BIRC6: variants seen among roughly 807,000 people sequenced by gnomAD.
The protein encoded by BIRC6 is baculoviral IAP repeat containing 6.
Under a neutral mutation model 503.3 loss-of-function variants are expected in BIRC6, and 98 were observed. The observed-to-expected ratio is 0.19, with a 90% CI of 0.17 to 0.23. The LOEUF (loss-of-function observed/expected upper bound fraction) is 0.23, where lower values mean the gene tolerates loss of function less well. Among genes scored for constraint, BIRC6 ranks in the 10% least tolerant of loss-of-function variants. The pLI, the probability that BIRC6 is intolerant of heterozygous loss-of-function variation, is 1.00. For synonymous variants in BIRC6, 2,240 were observed against 2,078.7 expected (o/e 1.08, Z -2.11); for missense variants, 5,360 against 5,806.0 (o/e 0.92, Z 2.50).
intron 73 of BIRC6, 84 bp downstream of exon 73, chr2:32,611,666 G>T: frequency 8.0e-7 from 1 of 1,257,294 alleles, no homozygotes. Flanking sequence ...GAAGATAATG[G>T]GAGGGAGGGA....
Position 32,439,537 on chromosome 2 carries a change from T to C in BIRC6, c.3661T>C (p.Leu1221=). The change falls in exon 16 of 74, where the codon TTA becomes CTA. Residue 1221 remains leucine (L), a synonymous_variant. Transcript: ENST00000421745. ...GMAGGKYRSF[L]IHVKAVNERG... ...GGCAGGAGGAAAATATCGTTCGTTT[T>C]TAATCCATGTCAAGGCAGTGAATGA... 2 of 1,613,810 alleles carry C rather than the reference T, an allele frequency of 1.2e-6. No individual in the cohort carries two copies. Among genetic ancestry groups the C allele is most frequent in the Non-Finnish European group, 1.7e-6 (2 of 1,179,804 alleles).
Position 32,429,278 on chromosome 2 carries a change from C to A in BIRC6, c.3005C>A (p.Ser1002Ter). The A allele has an allele frequency of 6.6e-7, 1 of 1,510,118 alleles. No individual in the cohort carries two copies. The highest frequency in any genetic ancestry group is 1.4e-5 in the African/African-American group (1 of 70,640). The allele number at this position is 1,510,118 out of a possible 1,614,324, so 93.5% of individuals were successfully genotyped here. A position where few individuals can be genotyped will look rare whatever the true frequency, so the allele number is the denominator to read the frequency against. Residue 1002 changes from serine to a stop codon, truncating the protein, a stop_gained, in exon 11 of 74, where the codon TCA becomes TAA. Transcript: ENST00000421745. LOFTEE classifies it high-confidence loss of function. ...SEGSKPLSNP[S>*]SPGISGVDLL... Reference sequence around the variant, plus strand: ...GGTTCCAAACCTTTATCAAATCCTTCAAGTCCTGGCATTTCAGGTATGATA... The same window carrying A: ...GGTTCCAAACCTTTATCAAATCCTTAAAGTCCTGGCATTTCAGGTATGATA...
intron 20 of BIRC6, 113 bp from the exon 21 acceptor site, chr2:32,445,408 G>GCCTATA: frequency 3.8e-6 from 4 of 1,065,980 alleles, no homozygotes; most frequent in Non-Finnish European, 3.9e-6. Context: ...TTCCAGAAAA[G>GCCTATA]GGAGTATCTT....
rs1434424476 is a variant in BIRC6 at position 32,489,934 on chromosome 2, G to T, written c.8096-107G>T. The T allele has an allele frequency of 5.6e-5, 41 of 729,190 alleles. 1 individual carries two copies. Among genetic ancestry groups the T allele is most frequent in the Non-Finnish European group, 7.1e-6 (3 of 420,164 alleles). The allele number at this position is 729,190 out of a possible 1,614,324, so 45.2% of individuals were successfully genotyped here. A position where few individuals can be genotyped will look rare whatever the true frequency, so the allele number is the denominator to read the frequency against. On this transcript the variant is annotated intron_variant, in intron 42 of 73. Transcript: ENST00000421745. ...ATGTTTTGAAGACACTGGTTAAGGA[G>T]CGGATTTAAAGAAATAGTGTCTTGT...
intron 27 of BIRC6, 29 bp from the exon 28 acceptor site, chr2:32,467,874 A>G (rs2148946053): frequency 6.5e-7 from 1 of 1,545,982 alleles, no homozygotes; most frequent in Non-Finnish European, 8.8e-7. Context: ...AGATGTGTAT[A>G]TATGTATATT....
chr2:32,421,219 G>T (rs2042926966), intron 10 of BIRC6, among the ~76,000 whole-genome samples: 1 of 150,158 alleles, frequency 6.7e-6, no homozygotes, highest in African/African-American at 2.5e-5. Context: ...TGATTCTCCT[G>T]CCTCAGCCTC....
At chr2:32,612,524 G>T (rs2062948746) in intron 73 of BIRC6, among the ~76,000 whole-genome samples, 1 of 152,036 alleles carries the variant, frequency 6.6e-6, no homozygotes, top group Admixed American at 6.6e-5. Flanking sequence ...CTTTAAAGCT[G>T]TCTTCACTTC....
chr2:32,406,658 T>C (rs2041252723), intron 9 of BIRC6, 101 bp downstream of exon 9: 1 of 790,662 alleles, frequency 1.3e-6, no homozygotes, highest in Non-Finnish European at 2.0e-6. Context: ...TAATGCTAAC[T>C]CTAAATTTTT....
chr2:32,453,814 G>C lies in BIRC6; in HGVS notation c.4625G>C (p.Gly1542Ala). 1 of 1,612,198 alleles carries C rather than the reference G, an allele frequency of 6.2e-7. No individual in the cohort carries two copies. ...ACTTGTCTTTTGCCATTAGGAAATGGAAAGGTCAGTAGTTGCACAGCTGCT... is the reference window on the plus strand; with the variant it reads ...ACTTGTCTTTTGCCATTAGGAAATGCAAAGGTCAGTAGTTGCACAGCTGCT... ...IDLSDVLSGNGKVSSCTAAEG... is the reference protein window; with the variant it reads ...IDLSDVLSGNAKVSSCTAAEG... The change falls in exon 23 of 74, where the codon GGA becomes GCA. Residue 1542 changes from glycine (G) to alanine (A), a missense_variant. Coordinates refer to ENST00000421745, the MANE Select transcript of BIRC6 (RefSeq NM_016252.4).
rs372026178 is a variant in BIRC6, at chr2:32,442,810, C to T, written c.4238+355C>T. Among the ~76,000 whole-genome samples, 13 of 152,136 alleles carry T rather than the reference C, an allele frequency of 8.5e-5. No homozygotes were observed. The South Asian group carries it at 2.7e-3, about 32-fold the overall frequency. ...TTTCTCTGTTATGTAACAATCTTAC[C>T]GACTTTTTTTTGTAGCATTGTGCAG... On this transcript the variant is annotated intron_variant, in intron 19 of 73. Transcript: ENST00000421745.
At chr2:32,531,990 C>T (rs746192815) in intron 61 of BIRC6, among the ~76,000 whole-genome samples, 1 of 152,120 alleles carries the variant, frequency 6.6e-6, no homozygotes, top group Non-Finnish European at 1.5e-5. Context: ...GACCTATTCC[C>T]GTGTTCATTT....
intron 21 of BIRC6, among the ~76,000 whole-genome samples, chr2:32,447,534 A>G (rs1417788410): frequency 4.2e-5 from 4 of 96,324 alleles, no homozygotes; most frequent in African/African-American, 1.8e-4. Flanking sequence ...AGGGGTCCTC[A>G]CTTCCCAGTA....
At chr2:32,475,850 A>G (rs1258064993) in intron 33 of BIRC6, among the ~76,000 whole-genome samples, 1 of 152,144 alleles carries the variant, frequency 6.6e-6, no homozygotes, top group African/African-American at 2.4e-5. Flanking sequence ...AGATTTCCAT[A>G]AAAACAAAGC....
intron 49 of BIRC6, among the ~76,000 whole-genome samples, chr2:32,504,707 A>T (rs188973222): frequency 2.0e-4 from 31 of 151,982 alleles, no homozygotes; most frequent in Middle Eastern, 3.4e-3. Context: ...AAAAAAATTT[A>T]AAAAAAGTTT....
At chr2:32,404,513 C>T (rs2040971972) in intron 8 of BIRC6, among the ~76,000 whole-genome samples, 1 of 151,884 alleles carries the variant, frequency 6.6e-6, no homozygotes, top group Non-Finnish European at 1.5e-5. Context: ...CGGGTTTCAC[C>T]ATGTTGGCCA....
At chr2:32,544,211 A>G (rs1572919993) in intron 62 of BIRC6, among the ~76,000 whole-genome samples, 1 of 152,164 alleles carries the variant, frequency 6.6e-6, no homozygotes, top group Non-Finnish European at 1.5e-5. Context: ...TTGAATAGCA[A>G]TAAAGGTTTA....
chr2:32,510,286 T>G (rs1029903397), intron 52 of BIRC6, among the ~76,000 whole-genome samples: 1 of 152,102 alleles, frequency 6.6e-6, no homozygotes, highest in Non-Finnish European at 1.5e-5. Flanking sequence ...TCCATATTGA[T>G]CAGGCTGGTT....
At chr2:32,537,859 T>C (rs898375077) in intron 61 of BIRC6, among the ~76,000 whole-genome samples, 1 of 151,444 alleles carries the variant, frequency 6.6e-6, no homozygotes, top group East Asian at 1.9e-4. Flanking sequence ...CCAGCTACTC[T>C]GGAGGCTGAG....
At chr2:32,416,465 A>T (rs539030487) in intron 10 of BIRC6, among the ~76,000 whole-genome samples, 6 of 151,436 alleles carry the variant, frequency 4.0e-5, no homozygotes, top group African/African-American at 1.5e-4. Context: ...CAAATTTATG[A>T]CCTTGGGCAA....
Sources: gnomAD v4.1 joint callset for allele counts (sites outside exome capture counted in the v4.1 genomes callset) on GRCh38, gnomAD v4.1.1 for gene constraint, MANE v1.5 for transcripts, NCBI Gene and HGNC (gene_info 2026-07-23, HGNC 2026-07-21) for gene names.